The following ZBED3 variants were observed in gnomAD, a reference collection of about 807,000 sequenced individuals.
ZBED3 encodes zinc finger BED-type containing 3, also known as zinc finger BED domain-containing protein 3.
For synonymous variants in ZBED3, 175 were observed against 180.0 expected (o/e 0.97, Z 0.22); for missense variants, 388 against 362.9 (o/e 1.07, Z -0.56).
chr5:77,085,241 G>A (rs1189773297), intron 1 of ZBED3, among the ~76,000 whole-genome samples: 1 of 152,220 alleles, frequency 6.6e-6, no homozygotes, highest in East Asian at 1.9e-4. Context: ...AATAAAGGAA[G>A]AGATCAAAAC....
intron 2 of ZBED3, among the ~76,000 whole-genome samples, 165 bp from the exon 3 acceptor site, chr5:77,078,060 G>A (rs925679816): frequency 2.6e-5 from 4 of 152,228 alleles, no homozygotes; most frequent in African/African-American, 9.6e-5. Flanking sequence ...TCAGTATTAA[G>A]TGTTGATTCC....
Position 77,074,611 on chromosome 5 carries a change from A to T in ZBED3, c.*2563T>A, listed in dbSNP as rs899118068. 4 of 152,230 alleles carry T rather than the reference A, an allele frequency of 2.6e-5. No individual in the cohort carries two copies. Among genetic ancestry groups the T allele is most frequent in the African/African-American group, 9.7e-5 (4 of 41,446 alleles). The allele number at this position is 152,230 out of a possible 1,614,324, so 9.4% of individuals were successfully genotyped here. ...TAAAGCATTTAGCACAGCTCTGATGACACATGGGGAATGCTCAGTAAATAT... is the reference window on the plus strand; with the variant it reads ...TAAAGCATTTAGCACAGCTCTGATGTCACATGGGGAATGCTCAGTAAATAT... On this transcript the variant is annotated 3_prime_UTR_variant, in exon 3 of 3. Coordinates refer to ENST00000255198, the MANE Select transcript of ZBED3 (RefSeq NM_032367.4).
chr5:77,078,888 TTTA>T (rs1743077084), intron 1 of ZBED3, among the ~76,000 whole-genome samples, 160 bp from the exon 2 acceptor site: 1 of 152,258 alleles, frequency 6.6e-6, no homozygotes, highest in Non-Finnish European at 1.5e-5. Flanking sequence ...ATTAGTTTTC[TTTA>T]TTGTTTGTGC....
intron 1 of ZBED3, among the ~76,000 whole-genome samples, chr5:77,083,272 G>C (rs1433326320): frequency 6.6e-6 from 1 of 152,238 alleles, no homozygotes; most frequent in African/African-American, 2.4e-5. Flanking sequence ...CTGCTGCGCC[G>C]CTTGGAGGAG....
intron 1 of ZBED3, among the ~76,000 whole-genome samples, chr5:77,085,738 T>C (rs961258620): frequency 6.6e-6 from 1 of 152,366 alleles, no homozygotes; most frequent in Admixed American, 6.5e-5. Context: ...AAATATTAGT[T>C]TACTGCCATA....
At chr5:77,080,940 A>C (rs1561298912) in intron 1 of ZBED3, among the ~76,000 whole-genome samples, 1 of 152,264 alleles carries the variant, frequency 6.6e-6, no homozygotes, top group African/African-American at 2.4e-5. Context: ...TAAACAAAAA[A>C]CAAAAAACTC....
At position 77,077,806 on chromosome 5, in the gene ZBED3, G is replaced by T; in HGVS notation, c.73C>A (p.Gln25Lys). Residue 25 changes from glutamine (Q) to lysine (K), a missense_variant, in exon 3 of 3, where the codon CAG becomes AAG. Transcript: ENST00000255198. ...GLDDAAARGG[Q>K]CPGLGPAPTP... ...GGCGCCGGCCCCAGTCCCGGACACT[G>T]ACCGCCCCGCGCCGCCGCGTCGTCC... 1.5e-6 allele frequency: 2 copies of T among 1,302,300 alleles called. No homozygotes were observed. Among genetic ancestry groups the T allele is most frequent in the South Asian group, 4.8e-5 (2 of 41,576 alleles). The allele number at this position is 1,302,300 out of a possible 1,614,324, so 80.7% of individuals were successfully genotyped here. A position where few individuals can be genotyped will look rare whatever the true frequency, so the allele number is the denominator to read the frequency against.
chr5:77,081,684 AGAAAAT>A (rs746786328), intron 1 of ZBED3, among the ~76,000 whole-genome samples: 4 of 152,152 alleles, frequency 2.6e-5, no homozygotes, highest in Non-Finnish European at 5.9e-5. Flanking sequence ...GCTAATAAGA[AGAAAAT>A]GAAAAGTAAG....
rs1449691084 is a variant in ZBED3 at position 77,073,141 on chromosome 5, C to A, written c.*4033G>T. 2.1e-5 allele frequency: 3 copies of A among 143,696 alleles called. No individual in the cohort carries two copies. Among genetic ancestry groups the A allele is most frequent in the African/African-American group, 8.6e-5 (3 of 35,024 alleles). The allele number at this position is 143,696 out of a possible 1,614,324, so 8.9% of individuals were successfully genotyped here. On this transcript the variant is annotated 3_prime_UTR_variant, in exon 3 of 3. Coordinates refer to ENST00000255198, the MANE Select transcript of ZBED3 (RefSeq NM_032367.4). ...CTTTGTGTAAAAAATTACAACAATG[C>A]AGAAGTGTATAAAGCAGAAAGTAAA... is the stretch of plus-strand genomic sequence containing the variant.
Position 77,077,399 on chromosome 5 carries a change from G to A in ZBED3, c.480C>T (p.Gly160=), listed in dbSNP as rs1743037640. 3.2e-6 allele frequency: 4 copies of A among 1,250,942 alleles called. No individual in the cohort carries two copies. The highest frequency in any genetic ancestry group is 3.8e-5 in the Admixed American group (1 of 26,258). The allele number at this position is 1,250,942 out of a possible 1,614,324, so 77.5% of individuals were successfully genotyped here. ...LERRELAVEQ[G]ERALERRRRA... ...TCCGCCTCCGCTCCAGGGCGCGCTC[G>A]CCCTGCTCCACGGCCAGCTCGCGCC... Residue 160 remains glycine (G), a synonymous_variant, in exon 3 of 3, where the codon GGC becomes GGT. Coordinates refer to ENST00000255198, the MANE Select transcript of ZBED3 (RefSeq NM_032367.4).
chr5:77,085,547 A>G (rs1743220501), intron 1 of ZBED3, among the ~76,000 whole-genome samples: 1 of 152,232 alleles, frequency 6.6e-6, no homozygotes, highest in Non-Finnish European at 1.5e-5. Flanking sequence ...CTTAGATGAG[A>G]AATTCACACT....
Position 77,074,998 on chromosome 5 carries a change from G to C in ZBED3, c.*2176C>G, listed in dbSNP as rs1008957705. 1.2e-4 allele frequency: 19 copies of C among 152,248 alleles called. No individual in the cohort carries two copies. Among genetic ancestry groups the C allele is most frequent in the African/African-American group, 3.9e-4 (16 of 41,448 alleles). The allele number at this position is 152,248 out of a possible 1,614,324, so 9.4% of individuals were successfully genotyped here. The stretch of plus-strand genomic sequence containing the variant: ...ATGTTAGTTATCAGGTGAGGGGTGG[G>C]ATGTGGGGTTGAGTAGATTTGCCTC... On this transcript the variant is annotated 3_prime_UTR_variant, in exon 3 of 3. Transcript: ENST00000255198.
intron 1 of ZBED3, among the ~76,000 whole-genome samples, chr5:77,082,676 G>C (rs1001859751): frequency 6.6e-6 from 1 of 152,156 alleles, no homozygotes; most frequent in Non-Finnish European, 1.5e-5. Context: ...GAGATACTAT[G>C]GTTGAGGCAA....
In ZBED3 at chr5:77,073,974, A is replaced by G. The variant is rs1302050523; in HGVS notation, c.*3200T>C. On this transcript the variant is annotated 3_prime_UTR_variant, in exon 3 of 3. Transcript: ENST00000255198. The stretch of plus-strand genomic sequence containing the variant: ...CTAGAGAAGTAAGAAATGTCTTGAC[A>G]TGAGGAGAAATCAAGGAAAGCATGG... The G allele has an allele frequency of 2.0e-5, 3 of 152,226 alleles. No homozygotes were observed. Among genetic ancestry groups the G allele is most frequent in the Admixed American group, 1.3e-4 (2 of 15,278 alleles). 9.4% of individuals were successfully genotyped at this position (152,226 alleles called of 1,614,324 possible).
intron 1 of ZBED3, among the ~76,000 whole-genome samples, chr5:77,080,825 C>T (rs1024603007): frequency 2.0e-5 from 3 of 152,146 alleles, no homozygotes; most frequent in Non-Finnish European, 4.4e-5. Flanking sequence ...AGGAGATATA[C>T]CTAATGTAAA....
At position 77,078,743 on chromosome 5, in the gene ZBED3, A is replaced by T. The variant is rs1743074900; in HGVS notation, c.-152-15T>A. 6.6e-6 allele frequency: 1 copy of T among 152,278 alleles called. No individual in the cohort carries two copies. The highest frequency in any genetic ancestry group is 2.1e-4 in the South Asian group (1 of 4,834). 9.4% of individuals were successfully genotyped at this position (152,278 alleles called of 1,614,324 possible). Reference sequence around the variant, plus strand: ...CATCAGCAGTGCTAGGAGTAAATTCAGAGGACAGGCAGGCCAGTGAAAGAA... The same window carrying T: ...CATCAGCAGTGCTAGGAGTAAATTCTGAGGACAGGCAGGCCAGTGAAAGAA... On this transcript the variant is annotated splice_polypyrimidine_tract_variant and intron_variant, in intron 1 of 2. Transcript: ENST00000255198.
chr5:77,077,912 G>C lies in ZBED3; in HGVS notation c.-17-17C>G, dbSNP rs894376043. The C allele has an allele frequency of 7.2e-6, 9 of 1,245,038 alleles. No homozygotes were observed. The highest frequency in any genetic ancestry group is 9.0e-6 in the Non-Finnish European group (9 of 994,800). 77.1% of individuals were successfully genotyped at this position (1,245,038 alleles called of 1,614,324 possible). Reference sequence around the variant, plus strand: ...GCCCGCACGCTGGGGAGCAGGGGAAGAATAATAATGAGTGTTAGGATCACG... The same window carrying C: ...GCCCGCACGCTGGGGAGCAGGGGAACAATAATAATGAGTGTTAGGATCACG... On this transcript the variant is annotated splice_polypyrimidine_tract_variant and intron_variant, in intron 2 of 2. Coordinates refer to ENST00000255198, the MANE Select transcript of ZBED3 (RefSeq NM_032367.4).
In ZBED3 at chr5:77,077,156, G is replaced by A; in HGVS notation, c.*18C>T. ...GGACGGAGAAGCGCTGTCCTGGGGT[G>A]GGGAAGTGGCCACACCCCTACAGGA... On this transcript the variant is annotated 3_prime_UTR_variant, in exon 3 of 3. Transcript: ENST00000255198. 1 of 1,424,432 alleles carries A rather than the reference G, an allele frequency of 7.0e-7. No homozygotes were observed. Among genetic ancestry groups the A allele is most frequent in the Non-Finnish European group, 9.2e-7 (1 of 1,090,434 alleles). 88.2% of individuals were successfully genotyped at this position (1,424,432 alleles called of 1,614,324 possible).
intron 2 of ZBED3, 100 bp from the exon 3 acceptor site, chr5:77,077,995 C>T (rs973550480): frequency 3.5e-6 from 3 of 855,352 alleles, no homozygotes; most frequent in Non-Finnish European, 4.6e-6. Flanking sequence ...CATTTTCTTA[C>T]CGATGAAAAG....
Sources: gnomAD v4.1 joint callset for allele counts (sites outside exome capture counted in the v4.1 genomes callset) on GRCh38, gnomAD v4.1.1 for gene constraint, MANE v1.5 for transcripts, NCBI Gene and HGNC (gene_info 2026-07-23, HGNC 2026-07-21) for gene names.